The following ADISSP variants were observed in gnomAD, a reference collection of about 807,000 sequenced individuals.
ADISSP encodes the protein adipose-secreted signaling protein.
chr20:3,758,826 C>T, the ADISSP span: 1 of 741,992 alleles, frequency 1.3e-6, no homozygotes, highest in Non-Finnish European at 2.2e-6. The surrounding 1 kb of genome is among the most constrained non-coding windows in gnomAD (Gnocchi z 5.5). Context: ...ACACTAGGAT[C>T]ATGAGGCTTG....
At chr20:3,766,816 TTTC>T in the ADISSP span, among the ~76,000 whole-genome samples, 3 of 152,274 alleles carry the variant, frequency 2.0e-5, no homozygotes, top group Admixed American at 1.3e-4. Context: ...CTGCCCCGAC[TTTC>T]TTCAACTCCC....
chr20:3,757,483 T>A, the ADISSP span, among the ~76,000 whole-genome samples: 1 of 152,222 alleles, frequency 6.6e-6, no homozygotes, highest in African/African-American at 2.4e-5. Flanking sequence ...TATTAAGACA[T>A]GAGTGGATTT....
the ADISSP span, among the ~76,000 whole-genome samples, chr20:3,763,027 G>A: frequency 2.6e-5 from 4 of 152,172 alleles, no homozygotes; most frequent in Non-Finnish European, 4.4e-5. Flanking sequence ...AAGCCAAGGC[G>A]GGTAGATCAC....
At chr20:3,754,320 G>A in the ADISSP span, 1 of 1,560,428 alleles carries the variant, frequency 6.4e-7, no homozygotes, top group South Asian at 1.1e-5. Context: ...GTTCAGCCTT[G>A]GTTCCCTGAG....
At chr20:3,756,271 C>G in the ADISSP span, among the ~76,000 whole-genome samples, 1 of 152,244 alleles carries the variant, frequency 6.6e-6, no homozygotes, top group Non-Finnish European at 1.5e-5. Flanking sequence ...GCCTGCCTGC[C>G]CACTCAAAGG....
the ADISSP span, chr20:3,759,972 T>TGCAC: frequency 5.6e-6 from 6 of 1,062,264 alleles, no homozygotes; most frequent in Non-Finnish European, 7.6e-6. The surrounding 1 kb of genome is among the most constrained non-coding windows in gnomAD (Gnocchi z 4.6). Context: ...CACTCACACA[T>TGCAC]GCACACACAC....
chr20:3,754,222 G>A, the ADISSP span: 1 of 1,537,178 alleles, frequency 6.5e-7, no homozygotes, highest in Non-Finnish European at 9.0e-7. Flanking sequence ...GGCCCACTAA[G>A]GGGACCCCTC....
At chr20:3,755,480 G>T in the ADISSP span, 1 of 1,611,410 alleles carries the variant, frequency 6.2e-7, no homozygotes, top group Non-Finnish European at 8.5e-7. Context: ...TTCAGGGACG[G>T]GCACCACGCT....
chr20:3,754,618 C>T, the ADISSP span: 263 of 1,254,266 alleles, frequency 2.1e-4, 2 homozygotes, highest in South Asian at 3.2e-3. Context: ...GGGGGGACTG[C>T]ATGCTAAGCC....
the ADISSP span, among the ~76,000 whole-genome samples, chr20:3,762,128 C>T: frequency 1.3e-5 from 2 of 152,000 alleles, no homozygotes; most frequent in African/African-American, 2.4e-5. Flanking sequence ...AAAGATTAGC[C>T]GGGTGTGGTG....
At chr20:3,754,846 G>A in the ADISSP span, among the ~76,000 whole-genome samples, 1 of 152,228 alleles carries the variant, frequency 6.6e-6, no homozygotes. Context: ...GGCAGGGAGA[G>A]GCGGTGATGA....
the ADISSP span, among the ~76,000 whole-genome samples, chr20:3,765,892 CA>C: frequency 5.9e-5 from 9 of 151,796 alleles, no homozygotes; most frequent in African/African-American, 2.2e-4. Flanking sequence ...TCCCCGCCAG[CA>C]AAAAAAATTA....
At chr20:3,765,855 G>A in the ADISSP span, among the ~76,000 whole-genome samples, 2 of 152,102 alleles carry the variant, frequency 1.3e-5, no homozygotes, top group South Asian at 4.1e-4. Flanking sequence ...GGGAAACTGG[G>A]AAATGACTAG....
chr20:3,755,643 A>T, the ADISSP span: 1 of 1,565,510 alleles, frequency 6.4e-7, no homozygotes, highest in Non-Finnish European at 8.7e-7. Flanking sequence ...AGGCACCTTC[A>T]CTTCCTGCTT....
the ADISSP span, among the ~76,000 whole-genome samples, chr20:3,762,269 C>T: frequency 5.4e-5 from 8 of 149,080 alleles, no homozygotes. Context: ...GAGACTCTGT[C>T]TCAAGAAAAA....
the ADISSP span, among the ~76,000 whole-genome samples, chr20:3,765,844 T>C: frequency 1.3e-5 from 2 of 152,036 alleles, no homozygotes; most frequent in South Asian, 4.1e-4. Flanking sequence ...ATGAACATCC[T>C]GGGAAACTGG....
At chr20:3,753,885 GA>G in the ADISSP span, 1 of 614,418 alleles carries the variant, frequency 1.6e-6, no homozygotes, top group Non-Finnish European at 2.9e-6. Flanking sequence ...GAGGACGAGG[GA>G]GGGGCAGGGT....
chr20:3,763,469 A>C, the ADISSP span, among the ~76,000 whole-genome samples: 1 of 150,730 alleles, frequency 6.6e-6, no homozygotes, highest in Non-Finnish European at 1.5e-5. Context: ...AGGCAGGAGA[A>C]TCGCTTGAAC....
At chr20:3,755,347 T>C in the ADISSP span, 2 of 884,240 alleles carry the variant, frequency 2.3e-6, no homozygotes, top group African/African-American at 1.6e-5. Flanking sequence ...CAGTGCAAGC[T>C]CACAAAGAGG....
Sources: gnomAD v4.1 joint callset for allele counts (sites outside exome capture counted in the v4.1 genomes callset) on GRCh38, gnomAD v4.1.1 for gene constraint, Gnocchi (gnomAD v3.1) non-coding constraint, MANE v1.5 for transcripts, NCBI Gene and HGNC (gene_info 2026-07-23, HGNC 2026-07-21) for gene names.